The following ZHX3 variants were observed in gnomAD, a reference collection of about 807,000 sequenced individuals.
The protein encoded by ZHX3 is zinc fingers and homeoboxes protein 3.
A neutral mutation model predicts 64.5 loss-of-function variants in ZHX3; 20 were observed. That is an observed-to-expected ratio of 0.31 (90% CI 0.22 to 0.45). ZHX3 has a LOEUF of 0.45. ZHX3 is among the 20% of genes least tolerant of loss of function. ZHX3 has a pLI of 1.00. For missense variants in ZHX3, 1,041 were observed against 1,195.8 expected, an observed-to-expected ratio of 0.87 and a Z score of 1.91; for synonymous variants, 423 against 461.6, an observed-to-expected ratio of 0.92 and a Z score of 1.07.
At chr20:41,288,881 T>G (rs568951758) in intron 1 of ZHX3, among the ~76,000 whole-genome samples, 1 of 152,228 alleles carries the variant, frequency 6.6e-6, no homozygotes, top group Non-Finnish European at 1.5e-5. Flanking sequence ...TTTAATTGTA[T>G]GTGTTTTGCA....
chr20:41,218,653 T>G (rs2039716462), intron 2 of ZHX3, among the ~76,000 whole-genome samples: 1 of 152,140 alleles, frequency 6.6e-6, no homozygotes, highest in South Asian at 2.1e-4. Flanking sequence ...TGGAAAACTG[T>G]CCTTCCTCAG....
chr20:41,228,691 CA>C lies in ZHX3; in HGVS notation c.-150-23626del, dbSNP rs2040418242. ...CCTCCAAATGCCTCACCTCCTAAGA[CA>C]ATCACATTAGGGATTAAAATTTCAA... On this transcript the variant is annotated intron_variant, in intron 2 of 3. Coordinates refer to ENST00000683867, the MANE Select transcript of ZHX3 (RefSeq NM_001384317.1). The surrounding 1 kb of genome is among the most constrained non-coding windows in gnomAD (Gnocchi z 4.6). 6.6e-6 allele frequency among the ~76,000 whole-genome samples: 1 copy of C among 152,220 alleles called. No homozygotes were observed. The highest frequency in any genetic ancestry group is 2.4e-5 in the African/African-American group (1 of 41,462).
chr20:41,184,651 G>A lies in ZHX3; in HGVS notation c.*540C>T, dbSNP rs1234455303. 1 of 481,520 alleles carries A rather than the reference G, an allele frequency of 2.1e-6. No homozygotes were observed. The highest frequency in any genetic ancestry group is 3.8e-6 in the Non-Finnish European group (1 of 266,452). 29.8% of individuals were successfully genotyped at this position (481,520 alleles called of 1,614,324 possible). On this transcript the variant is annotated 3_prime_UTR_variant, in exon 4 of 4. Coordinates refer to ENST00000683867, the MANE Select transcript of ZHX3 (RefSeq NM_001384317.1). ...GTACTGCTTCCTTGAGGAACACAAA[G>A]GGGGCACAAAGGGGTTCCAGACGTA...
chr20:41,272,093 G>A (rs2043174449), intron 1 of ZHX3: 1 of 152,122 alleles, frequency 6.6e-6, no homozygotes, highest in Non-Finnish European at 1.5e-5. Flanking sequence ...AATGTGGTCT[G>A]ATAAATTTTA....
intron 3 of ZHX3, among the ~76,000 whole-genome samples, chr20:41,189,590 G>C (rs2036828168): frequency 6.6e-6 from 1 of 151,626 alleles, no homozygotes; most frequent in South Asian, 2.1e-4. Context: ...TTTTATTTTT[G>C]GTAGCTATTG....
Position 41,184,812 on chromosome 20 carries a change from T to C in ZHX3, c.*379A>G. Reference sequence around the variant, plus strand: ...ATGCACTGCTTGGCTAACCAAAGTTTCTACGTAATGACAGTGTTGATAATC... The same window carrying C: ...ATGCACTGCTTGGCTAACCAAAGTTCCTACGTAATGACAGTGTTGATAATC... On this transcript the variant is annotated 3_prime_UTR_variant, in exon 4 of 4. Transcript: ENST00000683867. The C allele has an allele frequency of 7.4e-7, 1 of 1,348,870 alleles. No individual in the cohort carries two copies. The highest frequency in any genetic ancestry group is 2.6e-5 in the Admixed American group (1 of 38,242). The allele number at this position is 1,348,870 out of a possible 1,614,324, so 83.6% of individuals were successfully genotyped here.
intron 2 of ZHX3, among the ~76,000 whole-genome samples, chr20:41,241,709 G>A (rs2041390512): frequency 2.6e-5 from 4 of 152,046 alleles, no homozygotes; most frequent in African/African-American, 9.7e-5. Flanking sequence ...TTTTTGCTCT[G>A]GATAGCTTTG....
Position 41,195,583 on chromosome 20 carries a change from T to C in ZHX3, c.2860+6474A>G, listed in dbSNP as rs1482824271. Among the ~76,000 whole-genome samples, 1 of 152,122 alleles carries C rather than the reference T, an allele frequency of 6.6e-6. No homozygotes were observed. Among genetic ancestry groups the C allele is most frequent in the Non-Finnish European group, 1.5e-5 (1 of 68,008 alleles). On this transcript the variant is annotated intron_variant, in intron 3 of 3. Coordinates refer to ENST00000683867, the MANE Select transcript of ZHX3 (RefSeq NM_001384317.1). This position sits in a 1 kb window ranked among gnomAD's most constrained non-coding sequence, Gnocchi z 4.2. ...GGTGCCTGCCACCATGTCCACCTAA[T>C]TTTTGTATTTTTAGTAGAGACAGGG...
intron 1 of ZHX3, among the ~76,000 whole-genome samples, chr20:41,282,251 C>T (rs1247510811): frequency 6.6e-6 from 1 of 151,980 alleles, no homozygotes; most frequent in African/African-American, 2.4e-5. Context: ...AAGGCAATCA[C>T]TTAACTTCTC....
intron 1 of ZHX3, among the ~76,000 whole-genome samples, chr20:41,283,220 T>C (rs1385115015): frequency 6.6e-6 from 1 of 152,156 alleles, no homozygotes; most frequent in Non-Finnish European, 1.5e-5. Context: ...CAAAACTCTT[T>C]AGACATCGCC....
chr20:41,181,147 C>G lies in ZHX3; in HGVS notation c.*4044G>C, dbSNP rs556366819. On this transcript the variant is annotated 3_prime_UTR_variant, in exon 4 of 4. Transcript: ENST00000683867. ...GTCAAGAGACCCTGAAGAGGAGGGT[C>G]CGTGTCTGGAGTGAGGGGAACTGAG... is the stretch of plus-strand genomic sequence containing the variant. 1 of 152,242 alleles carries G rather than the reference C, an allele frequency of 6.6e-6. No homozygotes were observed. Among genetic ancestry groups the G allele is most frequent in the African/African-American group, 2.4e-5 (1 of 41,430 alleles). 9.4% of individuals were successfully genotyped at this position (152,242 alleles called of 1,614,324 possible).
chr20:41,276,719 GC>G (rs1400013336), intron 1 of ZHX3, among the ~76,000 whole-genome samples: 4 of 152,196 alleles, frequency 2.6e-5, no homozygotes, highest in African/African-American at 9.7e-5. Flanking sequence ...CTGGAAACAT[GC>G]CCTTAACTGC....
intron 2 of ZHX3, among the ~76,000 whole-genome samples, chr20:41,253,100 CA>C (rs2042068232): frequency 6.6e-6 from 1 of 152,164 alleles, no homozygotes; most frequent in Non-Finnish European, 1.5e-5. Context: ...TTAGTGCCCC[CA>C]CCCTTGCCAT....
intron 1 of ZHX3, chr20:41,299,912 G>A (rs2044737282): frequency 6.8e-6 from 1 of 146,364 alleles, no homozygotes. Context: ...TGAGAGTTTA[G>A]TGACATTAAC....
intron 2 of ZHX3, among the ~76,000 whole-genome samples, chr20:41,265,161 C>T (rs953670017): frequency 6.0e-5 from 9 of 150,858 alleles, no homozygotes; most frequent in Admixed American, 1.3e-4. Context: ...CCATTGTAAA[C>T]TTATAAAACC....
intron 2 of ZHX3, among the ~76,000 whole-genome samples, chr20:41,267,800 C>A (rs534755766): frequency 1.3e-5 from 2 of 152,248 alleles, no homozygotes; most frequent in South Asian, 4.2e-4. Flanking sequence ...AACAATGGCT[C>A]CAAAGCAGGA....
intron 3 of ZHX3, among the ~76,000 whole-genome samples, chr20:41,193,482 C>T (rs2037217348): frequency 6.6e-6 from 1 of 151,974 alleles, no homozygotes; most frequent in Non-Finnish European, 1.5e-5. Context: ...AAAATACGAC[C>T]AATTTTTTTA....
intron 1 of ZHX3, among the ~76,000 whole-genome samples, chr20:41,315,272 T>C (rs1410548332): frequency 6.7e-6 from 1 of 149,256 alleles, no homozygotes; most frequent in South Asian, 2.1e-4. Flanking sequence ...AACCTCCGCA[T>C]CCCGGGTTCA....
Position 41,317,610 on chromosome 20 carries a change from G to C in ZHX3, c.-346C>G, listed in dbSNP as rs1294188525. Reference sequence around the variant, plus strand: ...GCGGGCGGCCGGCGCAGGCCCCGCAGAGGCGGCGGCGGCGGCGACGCCGGA... The same window carrying C: ...GCGGGCGGCCGGCGCAGGCCCCGCACAGGCGGCGGCGGCGGCGACGCCGGA... On this transcript the variant is annotated 5_prime_UTR_variant, in exon 1 of 4. Transcript: ENST00000683867. The C allele has an allele frequency of 6.7e-6, 1 of 148,258 alleles. No individual in the cohort carries two copies. Among genetic ancestry groups the C allele is most frequent in the Non-Finnish European group, 1.5e-5 (1 of 66,550 alleles). 9.2% of individuals were successfully genotyped at this position (148,258 alleles called of 1,614,324 possible). A position where few individuals can be genotyped will look rare whatever the true frequency, so the allele number is the denominator to read the frequency against.
Sources: gnomAD v4.1 joint callset for allele counts (sites outside exome capture counted in the v4.1 genomes callset) on GRCh38, gnomAD v4.1.1 for gene constraint, Gnocchi (gnomAD v3.1) non-coding constraint, MANE v1.5 for transcripts, NCBI Gene and HGNC (gene_info 2026-07-23, HGNC 2026-07-21) for gene names.